Variants in JAK2 observed in about 807,000 individuals in gnomAD.
JAK2 encodes Janus kinase 2, also known as tyrosine-protein kinase JAK2.
Under a neutral mutation model 139.3 loss-of-function variants are expected in JAK2, and 86 were observed. The ratio of observed to expected loss-of-function variants is 0.62; its 90% CI spans 0.52 to 0.74. JAK2 has a LOEUF of 0.74. Among genes scored for constraint, JAK2 ranks in the 30% least tolerant of loss-of-function variants. JAK2 has a pLI of 0.00. For missense variants in JAK2, 1,421 were observed against 1,360.3 expected, an observed-to-expected ratio of 1.04 and a Z score of -0.70; for synonymous variants, 490 against 437.7, an observed-to-expected ratio of 1.12 and a Z score of -1.49.
In JAK2 at chr9:5,054,517, A is replaced by G. The variant is rs1340502991; in HGVS notation, c.615-46A>G. The G allele has an allele frequency of 1.4e-6, 2 of 1,446,110 alleles. No individual in the cohort carries two copies. Among genetic ancestry groups the G allele is most frequent in the Admixed American group, 2.3e-5 (1 of 44,438 alleles). 89.6% of individuals were successfully genotyped at this position (1,446,110 alleles called of 1,614,324 possible). A position where few individuals can be genotyped will look rare whatever the true frequency, so the allele number is the denominator to read the frequency against. ...TTTCAATTTTTAGATTTATCTTCCA[A>G]TTTTTGTTTTGTTTTGTTTTTCTGT... On this transcript the variant is annotated intron_variant, in intron 6 of 24. Transcript: ENST00000381652. The surrounding 1 kb of genome is among the most constrained non-coding windows in gnomAD (Gnocchi z 4.9).
chr9:5,085,785 T>C, intron 19 of JAK2: 2 of 755,218 alleles, frequency 2.6e-6, no homozygotes, highest in East Asian at 2.5e-5. Flanking sequence ...ATGATGAATA[T>C]TACATGCTCG....
At chr9:5,030,090 G>T (rs562092300) in intron 4 of JAK2, among the ~76,000 whole-genome samples, 184 bp downstream of exon 4, 1 of 152,284 alleles carries the variant, frequency 6.6e-6, no homozygotes, top group Admixed American at 6.5e-5. Context: ...TACATGTTGT[G>T]TAAGTAGAAT....
chr9:4,985,090 G>A (rs1469759601), upstream of JAK2: 2 of 152,308 alleles, frequency 1.3e-5, no homozygotes, highest in Non-Finnish European at 2.9e-5. Flanking sequence ...CCTGCCATTC[G>A]GGGAGACTGC....
intron 22 of JAK2, among the ~76,000 whole-genome samples, chr9:5,095,903 C>A (rs1465625271): frequency 1.3e-5 from 2 of 152,170 alleles, no homozygotes; most frequent in Admixed American, 1.3e-4. Context: ...AGCACTACAA[C>A]CCTGTCACTG....
chr9:5,117,467 T>C (rs1474695680), intron 22 of JAK2, among the ~76,000 whole-genome samples: 2 of 152,182 alleles, frequency 1.3e-5, no homozygotes, highest in Non-Finnish European at 2.9e-5. Context: ...TTCATAATAA[T>C]GGATGTTATT....
At chr9:4,994,677 A>G (rs1015059002) in intron 2 of JAK2, among the ~76,000 whole-genome samples, 3 of 152,152 alleles carry the variant, frequency 2.0e-5, no homozygotes, top group Non-Finnish European at 2.9e-5. Flanking sequence ...CTGTGTTCTC[A>G]TAAAGCTTTA....
At chr9:5,091,969 G>A (rs555050794) in intron 22 of JAK2, among the ~76,000 whole-genome samples, 68 of 152,114 alleles carry the variant, frequency 4.5e-4, no homozygotes, top group Non-Finnish European at 9.0e-4. Context: ...TACTGTTAGT[G>A]ATGAGGAATC....
At chr9:5,021,122 G>C (rs1204590109) in intron 2 of JAK2, among the ~76,000 whole-genome samples, 1 of 152,174 alleles carries the variant, frequency 6.6e-6, no homozygotes, top group Non-Finnish European at 1.5e-5. Flanking sequence ...TCCCCACATT[G>C]TGCAGGCTCT....
intron 14 of JAK2, among the ~76,000 whole-genome samples, chr9:5,076,775 G>C (rs1174141781): frequency 6.6e-6 from 1 of 151,994 alleles, no homozygotes; most frequent in Non-Finnish European, 1.5e-5. Context: ...ATCTACACTT[G>C]TATGACATTT....
intron 2 of JAK2, among the ~76,000 whole-genome samples, chr9:5,012,812 C>T (rs754914067): frequency 1.3e-5 from 2 of 152,148 alleles, no homozygotes; most frequent in African/African-American, 4.8e-5. Flanking sequence ...GAGAGGTAAG[C>T]AGCAAACAGA....
intron 22 of JAK2, chr9:5,109,533 C>T (rs1432695653): frequency 6.6e-6 from 1 of 152,132 alleles, no homozygotes; most frequent in Non-Finnish European, 1.5e-5. Flanking sequence ...GCCCTAATCG[C>T]CTTAATCACA....
chr9:5,079,300 G>A (rs1032388802), intron 16 of JAK2, among the ~76,000 whole-genome samples: 3 of 152,178 alleles, frequency 2.0e-5, no homozygotes, highest in African/African-American at 7.2e-5. Flanking sequence ...GTCTGTCTAT[G>A]TCAGAATACC....
Position 5,022,001 on chromosome 9 carries a change from G to A in JAK2, c.14G>A (p.Cys5Tyr). ...AAAAGACTCTGCATGGGAATGGCCT[G>A]CCTTACGATGACAGAAATGGAGGGA... MGMA[C>Y]LTMTEMEGTS... Residue 5 changes from cysteine to tyrosine, a missense_variant, in exon 3 of 25, where the codon TGC (cysteine) becomes TAC (tyrosine). Coordinates refer to ENST00000381652, the MANE Select transcript of JAK2 (RefSeq NM_004972.4). 1 of 1,613,544 alleles carries A rather than the reference G, an allele frequency of 6.2e-7. No homozygotes were observed.
chr9:5,013,564 T>G (rs1314949511), intron 2 of JAK2, among the ~76,000 whole-genome samples: 3 of 152,242 alleles, frequency 2.0e-5, no homozygotes, highest in Non-Finnish European at 4.4e-5. Context: ...TTGTCTCTAC[T>G]TTGTTCCAGG....
chr9:5,070,077 GTC>G (rs1301339485), intron 12 of JAK2, 25 bp downstream of exon 12: 2 of 1,537,342 alleles, frequency 1.3e-6, no homozygotes, highest in Non-Finnish European at 1.8e-6. Flanking sequence ...ACTCATTACT[GTC>G]TTTTTTGTCC....
At chr9:5,035,846 C>T (rs1325201343) in intron 4 of JAK2, among the ~76,000 whole-genome samples, 1 of 152,206 alleles carries the variant, frequency 6.6e-6, no homozygotes, top group Non-Finnish European at 1.5e-5. Context: ...TCTCTCACCA[C>T]TCCTATTCAA....
chr9:5,105,290 G>A (rs1279965713), intron 22 of JAK2, among the ~76,000 whole-genome samples: 2 of 152,116 alleles, frequency 1.3e-5, no homozygotes, highest in Admixed American at 6.5e-5. Context: ...GCCAAATCAT[G>A]AGTGAACTAT....
At chr9:5,088,168 C>G (rs1182140057) in intron 19 of JAK2, among the ~76,000 whole-genome samples, 1 of 152,142 alleles carries the variant, frequency 6.6e-6, no homozygotes, top group Non-Finnish European at 1.5e-5. Context: ...TCCGCGGTCA[C>G]AGAGAGAGCA....
At chr9:5,124,606 T>A (rs1469276160) in intron 23 of JAK2, among the ~76,000 whole-genome samples, 2 of 151,688 alleles carry the variant, frequency 1.3e-5, no homozygotes, top group Non-Finnish European at 1.5e-5. Flanking sequence ...CAAAAGCGAT[T>A]CTAAGCAAAA....
Sources: gnomAD v4.1 joint callset for allele counts (sites outside exome capture counted in the v4.1 genomes callset) on GRCh38, gnomAD v4.1.1 for gene constraint, Gnocchi (gnomAD v3.1) non-coding constraint, MANE v1.5 for transcripts, NCBI Gene and HGNC (gene_info 2026-07-23, HGNC 2026-07-21) for gene names.